Variants in MCTP1 observed in about 807,000 individuals in gnomAD.
MCTP1 encodes the protein multiple C2 and transmembrane domain containing 1.
MCTP1 carries 69 observed loss-of-function variants against 120.6 expected under a neutral mutation model. The observed-to-expected ratio is 0.57, with a 90% confidence interval of 0.47 to 0.70. MCTP1 has a LOEUF of 0.70. Among genes scored for constraint, MCTP1 ranks in the 30% least tolerant of loss-of-function variants. MCTP1 has a pLI of 0.00. For synonymous variants in MCTP1, 529 were observed against 493.1 expected (o/e 1.07, Z -0.96); for missense variants, 1,203 against 1,248.8 (o/e 0.96, Z 0.55).
chr5:94,783,775 A>T (rs530390982), intron 18 of MCTP1, among the ~76,000 whole-genome samples: 7 of 152,218 alleles, frequency 4.6e-5, no homozygotes, highest in African/African-American at 1.7e-4. Context: ...TAATTTTTCC[A>T]TGAGTAAATT....
At chr5:94,982,084 A>C (rs2153598447) in intron 2 of MCTP1, among the ~76,000 whole-genome samples, 1 of 152,314 alleles carries the variant, frequency 6.6e-6, no homozygotes, top group African/African-American at 2.4e-5. Context: ...TAAGTTACTC[A>C]AAGTAATTAC....
intron 1 of MCTP1, among the ~76,000 whole-genome samples, chr5:95,137,355 C>T (rs1054811433): frequency 3.9e-5 from 6 of 152,278 alleles, no homozygotes; most frequent in East Asian, 1.9e-4. Context: ...CACGATAGTC[C>T]CTGGCTCACA....
chr5:94,830,188 G>T (rs995456592), intron 17 of MCTP1, among the ~76,000 whole-genome samples: 1 of 152,074 alleles, frequency 6.6e-6, no homozygotes, highest in Non-Finnish European at 1.5e-5. Flanking sequence ...TATTTTTCTG[G>T]CCACAGACCA....
intron 2 of MCTP1, chr5:94,976,788 C>T (rs1295699030): frequency 1.3e-5 from 2 of 152,098 alleles, no homozygotes; most frequent in African/African-American, 2.4e-5. Flanking sequence ...CCATGTAGCA[C>T]AACTGTATTT....
chr5:95,229,351 G>A (rs904111266), intron 1 of MCTP1, among the ~76,000 whole-genome samples: 7 of 152,116 alleles, frequency 4.6e-5, no homozygotes, highest in African/African-American at 1.4e-4. Context: ...ACCCCAACTC[G>A]ATTAGTTTTC....
chr5:95,275,422 T>C (rs1241606170), intron 1 of MCTP1, among the ~76,000 whole-genome samples: 3 of 152,162 alleles, frequency 2.0e-5, no homozygotes, highest in Non-Finnish European at 2.9e-5. Context: ...TGGTCCACCA[T>C]GGCCCCACCA....
chr5:94,981,881 C>T (rs951304024), intron 2 of MCTP1, among the ~76,000 whole-genome samples: 104 of 151,958 alleles, frequency 6.8e-4, no homozygotes, highest in African/African-American at 2.3e-3. Flanking sequence ...GCTCTGTAGG[C>T]CCTTAGAAAG....
At chr5:95,169,487 G>T (rs1400803936) in intron 1 of MCTP1, among the ~76,000 whole-genome samples, 1 of 152,126 alleles carries the variant, frequency 6.6e-6, no homozygotes, top group Non-Finnish European at 1.5e-5. Context: ...GCTCCTCCTT[G>T]TACCTCTGGT....
intron 1 of MCTP1, among the ~76,000 whole-genome samples, chr5:95,055,669 A>G (rs988774225): frequency 1.3e-5 from 2 of 152,184 alleles, no homozygotes; most frequent in African/African-American, 4.8e-5. Context: ...GTGGTGTGAT[A>G]GAAAGGGCTG....
intron 17 of MCTP1, among the ~76,000 whole-genome samples, chr5:94,845,040 C>T (rs576925803): frequency 5.3e-5 from 8 of 152,224 alleles, no homozygotes; most frequent in South Asian, 2.1e-4. Context: ...AAACAGACAA[C>T]GTACAGAATG....
rs530731551 is a variant in MCTP1 at position 94,717,625 on chromosome 5, A to G, written c.2611-2739T>C. On this transcript the variant is annotated intron_variant, in intron 19 of 22. Coordinates refer to ENST00000515393, the MANE Select transcript of MCTP1 (RefSeq NM_024717.7). The stretch of plus-strand genomic sequence containing the variant: ...CATGATCCTATATCTAGAAAACCCT[A>G]TTGTCTCAATCCTAAAGCTTAAGCT... 2.4e-4 allele frequency among the ~76,000 whole-genome samples: 37 copies of G among 152,240 alleles called. 1 individual carries two copies. In the East Asian group the frequency reaches 6.6e-3, roughly 27 times the overall value.
At chr5:95,216,259 T>C (rs1753022960) in intron 1 of MCTP1, among the ~76,000 whole-genome samples, 1 of 152,184 alleles carries the variant, frequency 6.6e-6, no homozygotes, top group Non-Finnish European at 1.5e-5. Context: ...TACAGATAAC[T>C]CAGTAAGCAA....
chr5:94,793,765 G>T (rs959381502), intron 18 of MCTP1, among the ~76,000 whole-genome samples: 4 of 152,170 alleles, frequency 2.6e-5, no homozygotes, highest in Admixed American at 2.0e-4. Context: ...GACTTCTTTG[G>T]AATGGAGAAC....
chr5:94,777,550 T>C (rs1161104012), intron 19 of MCTP1, among the ~76,000 whole-genome samples: 3 of 152,136 alleles, frequency 2.0e-5, no homozygotes, highest in Admixed American at 6.6e-5. Flanking sequence ...AAATGCCTGC[T>C]GCTGGGGTGG....
At chr5:94,907,918 G>A (rs1233757394) in intron 10 of MCTP1, among the ~76,000 whole-genome samples, 1 of 151,950 alleles carries the variant, frequency 6.6e-6, no homozygotes, top group African/African-American at 2.4e-5. Flanking sequence ...AAAGAAATAA[G>A]GTTGAAGTAG....
intron 1 of MCTP1, among the ~76,000 whole-genome samples, chr5:95,128,932 A>G (rs953489120): frequency 6.6e-6 from 1 of 152,232 alleles, no homozygotes; most frequent in Non-Finnish European, 1.5e-5. Context: ...CCTGGGGAAC[A>G]CCAACATTTA....
intron 6 of MCTP1, among the ~76,000 whole-genome samples, chr5:94,924,556 A>C (rs1354447145): frequency 2.0e-5 from 3 of 152,208 alleles, no homozygotes; most frequent in African/African-American, 7.2e-5. Context: ...AATTTTAAAA[A>C]GGAATGAATA....
intron 1 of MCTP1, among the ~76,000 whole-genome samples, chr5:95,275,820 G>T (rs1759782333): frequency 6.6e-6 from 1 of 151,774 alleles, no homozygotes; most frequent in Non-Finnish European, 1.5e-5. Flanking sequence ...GATGCTAAAT[G>T]GTTGTTACAA....
rs116710738 is a variant in MCTP1 at position 95,256,558 on chromosome 5, T to C, written c.720+27298A>G. ...CTCCAGCCTAGGGGTAATAGTGACGTCCTGCTGTTGCCAAACCCTGGGTTG... is the reference window on the plus strand; with the variant it reads ...CTCCAGCCTAGGGGTAATAGTGACGCCCTGCTGTTGCCAAACCCTGGGTTG... On this transcript the variant is annotated intron_variant, in intron 1 of 22. Transcript: ENST00000515393. Among the ~76,000 whole-genome samples the C allele has an allele frequency of 7.6e-3, 1,158 of 152,340 alleles. 16 individuals are homozygous for C. Among genetic ancestry groups the C allele is most frequent in the African/African-American group, 0.026 (1,091 of 41,588 alleles).
Sources: gnomAD v4.1 joint callset for allele counts (sites outside exome capture counted in the v4.1 genomes callset) on GRCh38, gnomAD v4.1.1 for gene constraint, MANE v1.5 for transcripts, NCBI Gene and HGNC (gene_info 2026-07-23, HGNC 2026-07-21) for gene names.